Variants in GCNT2 observed in about 807,000 individuals in gnomAD.
GCNT2 encodes the protein glucosaminyl (N-acetyl) transferase 2 (I blood group).
A neutral mutation model predicts 34.2 loss-of-function variants in GCNT2; 34 were observed. The observed-to-expected ratio is 1.00, with a 90% CI of 0.76 to 1.32. The LOEUF (loss-of-function observed/expected upper bound fraction) is 1.32, where lower values mean the gene tolerates loss of function less well. Among genes scored for constraint, GCNT2 ranks in the 40% most tolerant of loss-of-function variants. The pLI is 0.00. For synonymous variants in GCNT2, 212 were observed against 188.0 expected, an observed-to-expected ratio of 1.13 and a Z score of -1.04; for missense variants, 584 against 489.4, an observed-to-expected ratio of 1.19 and a Z score of -1.82.
intron 3 of GCNT2, among the ~76,000 whole-genome samples, chr6:10,551,498 T>C (rs1250256995): frequency 6.6e-6 from 1 of 151,246 alleles, no homozygotes; most frequent in South Asian, 2.1e-4. Flanking sequence ...CAGGCTGGAG[T>C]GCAACGGCAC....
intron 3 of GCNT2, among the ~76,000 whole-genome samples, chr6:10,602,423 G>T (rs1194036651): frequency 1.3e-5 from 2 of 152,152 alleles, no homozygotes; most frequent in Admixed American, 6.6e-5. Context: ...CAAATGTCCA[G>T]GTTAAATGGG....
intron 3 of GCNT2, among the ~76,000 whole-genome samples, chr6:10,605,093 C>G (rs1365956046): frequency 8.4e-4 from 128 of 151,716 alleles, no homozygotes; most frequent in Non-Finnish European, 2.9e-5. Context: ...CTGCAGTGAT[C>G]CATGATTGCG....
At chr6:10,564,039 A>T (rs1581413192) in intron 3 of GCNT2, among the ~76,000 whole-genome samples, 4 of 151,844 alleles carry the variant, frequency 2.6e-5, no homozygotes, top group African/African-American at 9.7e-5. Flanking sequence ...CCACTCAAAA[A>T]CTTTCTCTTT....
intron 3 of GCNT2, among the ~76,000 whole-genome samples, chr6:10,598,201 C>A (rs931934034): frequency 6.6e-6 from 1 of 152,184 alleles, no homozygotes; most frequent in Non-Finnish European, 1.5e-5. Context: ...GGTTTTGTTT[C>A]CCTGCTGTCA....
At chr6:10,521,800 A>G (rs1760928192) in intron 1 of GCNT2, among the ~76,000 whole-genome samples, 1 of 152,104 alleles carries the variant, frequency 6.6e-6, no homozygotes, top group Admixed American at 6.6e-5. Context: ...GGAAAGAACA[A>G]CGTTCACTTC....
intron 3 of GCNT2, among the ~76,000 whole-genome samples, chr6:10,569,275 C>CACACACACACACTCACACACACACACACA: frequency 9.9e-6 from 1 of 101,332 alleles, no homozygotes; most frequent in Non-Finnish European, 2.0e-5. Flanking sequence ...ACACACACAC[C>CACACACACACACTCACACACACACACACA]CCCTAGGTAA....
chr6:10,543,117 A>G (rs1195239826), intron 3 of GCNT2, among the ~76,000 whole-genome samples: 2 of 151,686 alleles, frequency 1.3e-5, no homozygotes, highest in Non-Finnish European at 2.9e-5. Flanking sequence ...CATGTTGGCT[A>G]GGCTGGTCTC....
At chr6:10,559,055 A>T (rs538477872) in intron 3 of GCNT2, among the ~76,000 whole-genome samples, 6 of 150,724 alleles carry the variant, frequency 4.0e-5, no homozygotes, top group Non-Finnish European at 7.4e-5. Flanking sequence ...ATAAGTTAAC[A>T]AAAGTCTAAA....
intron 3 of GCNT2, chr6:10,556,298 A>G: frequency 6.5e-7 from 1 of 1,534,266 alleles, no homozygotes; most frequent in East Asian, 2.3e-5. Flanking sequence ...ATCGATTCCC[A>G]GCGTCTCCAA....
At chr6:10,556,219 G>C in intron 3 of GCNT2, 2 of 1,433,612 alleles carry the variant, frequency 1.4e-6, no homozygotes, top group Non-Finnish European at 1.8e-6. Flanking sequence ...AGGTTTGAGA[G>C]AGGCGGGATC....
At chr6:10,596,681 A>G (rs963654719) in intron 3 of GCNT2, among the ~76,000 whole-genome samples, 1 of 151,920 alleles carries the variant, frequency 6.6e-6, no homozygotes, top group Non-Finnish European at 1.5e-5. Context: ...TCTAACCATT[A>G]AAGTTCCCTT....
intron 3 of GCNT2, among the ~76,000 whole-genome samples, chr6:10,603,690 A>AT (rs34374204): frequency 0.45 from 67,347 of 150,854 alleles, 16,728 homozygotes; most frequent in East Asian, 0.64. Flanking sequence ...TAATTTTTGT[A>AT]TTTTAGTAGA....
At chr6:10,549,191 A>G (rs1366109220) in intron 3 of GCNT2, among the ~76,000 whole-genome samples, 1 of 152,206 alleles carries the variant, frequency 6.6e-6, no homozygotes, top group Non-Finnish European at 1.5e-5. Context: ...CACAGCCCTC[A>G]CAACACGGCA....
At chr6:10,554,985 G>A (rs1371183851) in intron 3 of GCNT2, among the ~76,000 whole-genome samples, 1 of 152,216 alleles carries the variant, frequency 6.6e-6, no homozygotes, top group African/African-American at 2.4e-5. Context: ...TGAATCCCAG[G>A]AGGGTAGCAC....
chr6:10,528,851 A>G lies in GCNT2; in HGVS notation c.-61A>G. ...GGAACCTGGAGAAAATGTAAGTTAA[A>G]TATATCTACACTCTGATCCTATCTC... On this transcript the variant is annotated 5_prime_UTR_variant, in exon 3 of 5. Transcript: ENST00000495262. 1.5e-6 allele frequency: 2 copies of G among 1,332,496 alleles called. No homozygotes were observed. Among genetic ancestry groups the G allele is most frequent in the Non-Finnish European group, 1.1e-6 (1 of 925,360 alleles). The allele number at this position is 1,332,496 out of a possible 1,614,324, so 82.5% of individuals were successfully genotyped here.
chr6:10,613,275 A>G (rs919614379), intron 3 of GCNT2, among the ~76,000 whole-genome samples: 2 of 152,184 alleles, frequency 1.3e-5, no homozygotes, highest in African/African-American at 4.8e-5. Flanking sequence ...ATTCCTGGTT[A>G]CTCTGTAAAC....
At chr6:10,590,055 C>CTAT (rs1764564574) in intron 3 of GCNT2, among the ~76,000 whole-genome samples, 1 of 152,200 alleles carries the variant, frequency 6.6e-6, no homozygotes, top group South Asian at 2.1e-4. Context: ...AGAACACCTA[C>CTAT]TATTCCCTTG....
chr6:10,529,953 C>T lies in GCNT2; in HGVS notation c.925+117C>T, dbSNP rs12524907. The stretch of plus-strand genomic sequence containing the variant: ...CAAACTTCTTTACGGTTTTAAATGT[C>T]AAATTAAAAAAAAAATTTCATCTGT... On this transcript the variant is annotated intron_variant, in intron 3 of 4. Transcript: ENST00000495262. 6,895 of 855,414 alleles carry T rather than the reference C, an allele frequency of 8.1e-3. 60 individuals carry two copies. The highest frequency in any genetic ancestry group is 0.022 in the South Asian group (1,410 of 65,126). The allele number at this position is 855,414 out of a possible 1,614,324, so 53.0% of individuals were successfully genotyped here.
Position 10,529,500 on chromosome 6 carries a change from C to G in GCNT2, c.589C>G (p.Leu197Val). Reference protein sequence around the residue: ...VINTCGQDFPLKTNREIVQYL... With the variant: ...VINTCGQDFPVKTNREIVQYL... The stretch of plus-strand genomic sequence containing the variant: ...CAACACCTGCGGGCAAGACTTTCCC[C>G]TGAAAACCAACAGGGAAATAGTTCA... The change falls in exon 3 of 5, where the codon CTG (leucine) becomes GTG (valine). Residue 197 changes from leucine to valine, a missense_variant. By Grantham distance (32) the Leu-to-Val change is conservative (BLOSUM62 1). Transcript: ENST00000495262. 6.2e-7 allele frequency: 1 copy of G among 1,614,070 alleles called. No homozygotes were observed. The highest frequency in any genetic ancestry group is 8.5e-7 in the Non-Finnish European group (1 of 1,179,990).
Sources: allele counts gnomAD v4.1 joint callset (sites outside exome capture counted in the v4.1 genomes callset), GRCh38; gene constraint gnomAD v4.1.1; transcripts MANE v1.5; gene names NCBI Gene and HGNC (gene_info 2026-07-23, HGNC 2026-07-21).